Variants in AXDND1 observed in about 807,000 individuals in gnomAD.
AXDND1 encodes axonemal dynein light chain domain-containing protein 1.
A neutral mutation model predicts 137.5 loss-of-function variants in AXDND1; 110 were observed. That is an observed-to-expected ratio of 0.80 (90% CI 0.69 to 0.94). AXDND1 has a LOEUF of 0.94. Among genes scored for constraint, AXDND1 ranks in the 40% least tolerant of loss-of-function variants. The pLI is 0.00. For synonymous variants in AXDND1, 414 were observed against 399.7 expected, an observed-to-expected ratio of 1.04 and a Z score of -0.43; for missense variants, 1,191 against 1,169.8, an observed-to-expected ratio of 1.02 and a Z score of -0.26.
At chr1:179,498,753 T>A (rs1667705442) in intron 20 of AXDND1, among the ~76,000 whole-genome samples, 1 of 151,870 alleles carries the variant, frequency 6.6e-6, no homozygotes, top group African/African-American at 2.4e-5. Context: ...ATAACCCACT[T>A]AAAAATGGGC....
intron 9 of AXDND1, among the ~76,000 whole-genome samples, chr1:179,390,914 C>G (rs1650065741): frequency 6.6e-6 from 1 of 152,134 alleles, no homozygotes; most frequent in Non-Finnish European, 1.5e-5. Flanking sequence ...TCAAGTGATT[C>G]TCCTGTCTCA....
At chr1:179,397,469 T>C (rs1651245261) in intron 11 of AXDND1, among the ~76,000 whole-genome samples, 1 of 152,194 alleles carries the variant, frequency 6.6e-6, no homozygotes, top group Non-Finnish European at 1.5e-5. Context: ...GCCTTGAGGA[T>C]GATCTTCTTG....
At chr1:179,525,588 T>C in intron 22 of AXDND1, 141 bp downstream of exon 22, 1 of 1,016,772 alleles carries the variant, frequency 9.8e-7, no homozygotes, top group Non-Finnish European at 1.3e-6. Flanking sequence ...CCTCGAACTC[T>C]GGGGCTCAAA....
At chr1:179,380,888 T>C (rs1648154208) in intron 6 of AXDND1, among the ~76,000 whole-genome samples, 1 of 152,154 alleles carries the variant, frequency 6.6e-6, no homozygotes, top group Non-Finnish European at 1.5e-5. Context: ...TTACACTTTG[T>C]CTCATTTGCT....
At chr1:179,473,999 G>A (rs558680402) in intron 17 of AXDND1, among the ~76,000 whole-genome samples, 132 of 152,178 alleles carry the variant, frequency 8.7e-4, no homozygotes, top group African/African-American at 2.5e-3. Flanking sequence ...CAACGTGGGC[G>A]GATCACCTGA....
chr1:179,377,049 A>G lies in AXDND1; in HGVS notation c.375-1588A>G, dbSNP rs1421811330. On this transcript the variant is annotated intron_variant, in intron 4 of 25. Transcript: ENST00000367618. ...CAGGTTCAAGTGATTCTCCTGCCTC[A>G]GCCTCCCAAGCAGCTGGGACTATAG... Among the ~76,000 whole-genome samples, 4 of 152,106 alleles carry G rather than the reference A, an allele frequency of 2.6e-5. No individual in the cohort carries two copies. In the East Asian group the frequency reaches 7.7e-4, roughly 29 times the overall value.
intron 16 of AXDND1, among the ~76,000 whole-genome samples, chr1:179,462,012 C>G (rs917164725): frequency 2.0e-5 from 3 of 152,166 alleles, no homozygotes; most frequent in Non-Finnish European, 2.9e-5. Context: ...TTGACTTCCT[C>G]TTTTCCTAAT....
At position 179,446,238 on chromosome 1, in the gene AXDND1, C is replaced by T. The variant is rs1158198997; in HGVS notation, c.1798+1034C>T. 2.0e-5 allele frequency among the ~76,000 whole-genome samples: 3 copies of T among 152,118 alleles called. 1 individual carries two copies. Among genetic ancestry groups the T allele is most frequent in the African/African-American group, 7.2e-5 (3 of 41,418 alleles). ...AAAGAAAAGCCATTTTCTAAGGTTT[C>T]ATACTACCAGAGAACAGATACCATT... On this transcript the variant is annotated intron_variant, in intron 16 of 25. Coordinates refer to ENST00000367618, the MANE Select transcript of AXDND1 (RefSeq NM_144696.6).
At chr1:179,429,455 G>A (rs1657063960) in intron 12 of AXDND1, 63 bp from the exon 13 acceptor site, 3 of 814,518 alleles carry the variant, frequency 3.7e-6, no homozygotes, top group South Asian at 2.6e-5. Flanking sequence ...TGAAATCACT[G>A]TAATAAATTA....
At chr1:179,499,085 A>G (rs1358714706) in intron 20 of AXDND1, among the ~76,000 whole-genome samples, 1 of 152,140 alleles carries the variant, frequency 6.6e-6, no homozygotes, top group Non-Finnish European at 1.5e-5. Flanking sequence ...CTGTCTACAT[A>G]CCAAAAGAAA....
chr1:179,460,288 C>T (rs1181086692), intron 16 of AXDND1, among the ~76,000 whole-genome samples: 2 of 152,022 alleles, frequency 1.3e-5, no homozygotes, highest in Non-Finnish European at 2.9e-5. Flanking sequence ...TGAGAAGATG[C>T]GGTGTTTGGT....
chr1:179,411,669 G>A (rs565608505), intron 12 of AXDND1, among the ~76,000 whole-genome samples: 1 of 91,018 alleles, frequency 1.1e-5, no homozygotes, highest in African/African-American at 3.7e-5. Context: ...ACAATTAAGG[G>A]TCTTTTTTTT....
rs565837472 is a variant in AXDND1, at chr1:179,535,125, C to T, written c.3031+163C>T. ...ATTTTAATCACATAACCATCTTATT[C>T]GGACAACTCACAAAAAGGAAAACCA... is the stretch of plus-strand genomic sequence containing the variant. On this transcript the variant is annotated intron_variant, in intron 25 of 25. Transcript: ENST00000367618. 1.1e-4 allele frequency: 113 copies of T among 1,053,302 alleles called. No homozygotes were observed. The Admixed American group carries it at 1.5e-3, about 14-fold the overall frequency. 65.2% of individuals were successfully genotyped at this position (1,053,302 alleles called of 1,614,324 possible). A position where few individuals can be genotyped will look rare whatever the true frequency, so the allele number is the denominator to read the frequency against.
At position 179,492,882 on chromosome 1, in the gene AXDND1, G is replaced by A. The variant is rs202135298; in HGVS notation, c.2319G>A (p.Met773Ile). ...GTTGCAAAGGGATGGTAACAGCAAT[G>A]GCTCTGAGTAAATCCACTAACTCAC... ...SSCCKGMVTA[M>I]ALSKSTNSHK... is the part of the protein sequence containing the mutation. The change falls in exon 20 of 26, where the codon ATG becomes ATA. Residue 773 changes from methionine (M) to isoleucine (I), a missense_variant. Met to Ile is a conservative substitution (Grantham distance 10, BLOSUM62 1). Coordinates refer to ENST00000367618, the MANE Select transcript of AXDND1 (RefSeq NM_144696.6). 68 of 1,607,964 alleles carry A rather than the reference G, an allele frequency of 4.2e-5. No homozygotes were observed. The highest frequency in any genetic ancestry group is 5.5e-5 in the Non-Finnish European group (65 of 1,178,332).
rs188616860 is a variant in AXDND1, at chr1:179,550,130, T to A, written c.3032-4382T>A. Among the ~76,000 whole-genome samples the A allele has an allele frequency of 4.6e-5, 7 of 152,332 alleles. 1 individual carries two copies. Among genetic ancestry groups the A allele is most frequent in the Admixed American group, 3.3e-4 (5 of 15,304 alleles). ...TGCCTGTTCCTTTGGCTTCAGAATT[T>A]ACTAACATTATTTTAGTAATGTTAG... is the stretch of plus-strand genomic sequence containing the variant. On this transcript the variant is annotated intron_variant, in intron 25 of 25. Transcript: ENST00000367618.
At chr1:179,444,053 A>AT (rs68061206) in intron 15 of AXDND1, among the ~76,000 whole-genome samples, 15,536 of 145,972 alleles carry the variant, frequency 0.11, 1,162 homozygotes, top group East Asian at 0.39. Flanking sequence ...AGTTTAGTGA[A>AT]TTTTTTTTTT....
At chr1:179,366,944 G>C (rs553952119) in intron 2 of AXDND1, among the ~76,000 whole-genome samples, 1 of 152,208 alleles carries the variant, frequency 6.6e-6, no homozygotes, top group African/African-American at 2.4e-5. Context: ...GTGAGGCAGG[G>C]CGCGGTGGCT....
At chr1:179,474,927 C>T (rs773149356) in intron 17 of AXDND1, among the ~76,000 whole-genome samples, 2 of 152,156 alleles carry the variant, frequency 1.3e-5, no homozygotes, top group Non-Finnish European at 2.9e-5. Context: ...AGGCCCAGGG[C>T]CCCCACTGCT....
chr1:179,539,057 T>G (rs1671840377), intron 25 of AXDND1, among the ~76,000 whole-genome samples: 1 of 152,196 alleles, frequency 6.6e-6, no homozygotes, highest in South Asian at 2.1e-4. Context: ...TCTTCCTTCA[T>G]CCCTTTATTT....
Sources: gnomAD v4.1 joint callset for allele counts (sites outside exome capture counted in the v4.1 genomes callset) on GRCh38, gnomAD v4.1.1 for gene constraint, MANE v1.5 for transcripts, NCBI Gene and HGNC (gene_info 2026-07-23, HGNC 2026-07-21) for gene names.